RGS6: variants seen among roughly 807,000 people sequenced by gnomAD.
RGS6 encodes the protein regulator of G-protein signaling 6.
In RGS6, 30 loss-of-function variants were observed where a neutral mutation model predicts 78.5. The observed-to-expected ratio is 0.38, with a 90% CI of 0.29 to 0.52. The LOEUF is 0.52. Among genes scored for constraint, RGS6 ranks in the 20% least tolerant of loss-of-function variants. RGS6 has a pLI of 0.85. For synonymous variants in RGS6, 206 were observed against 206.0 expected (o/e 1.00, Z 0.00); for missense variants, 495 against 609.7 (o/e 0.81, Z 1.98).
At chr14:72,056,680 C>A (rs961249439) in intron 2 of RGS6, among the ~76,000 whole-genome samples, 3 of 152,128 alleles carry the variant, frequency 2.0e-5, no homozygotes, top group Non-Finnish European at 4.4e-5. Context: ...TGTTTCCCTC[C>A]CCTGCCACCC....
the RGS6 span, among the ~76,000 whole-genome samples, chr14:71,881,823 A>C: frequency 8.5e-5 from 13 of 152,178 alleles, no homozygotes; most frequent in South Asian, 4.1e-4. Context: ...GTATCTGACA[A>C]TTGGACAGTA....
intron 2 of RGS6, among the ~76,000 whole-genome samples, chr14:72,221,883 A>G (rs1441437279): frequency 1.3e-5 from 2 of 152,204 alleles, no homozygotes; most frequent in Non-Finnish European, 2.9e-5. Flanking sequence ...CATTAACCCC[A>G]CTTGTTTGCA....
chr14:72,490,535 A>T (rs547667669), intron 12 of RGS6, among the ~76,000 whole-genome samples: 1 of 152,232 alleles, frequency 6.6e-6, no homozygotes, highest in African/African-American at 2.4e-5. Flanking sequence ...TGTCTATTTT[A>T]TATTTGTAGA....
At chr14:72,540,489 C>CT in intron 17 of RGS6, 6 of 1,525,122 alleles carry the variant, frequency 3.9e-6, no homozygotes, top group East Asian at 2.4e-5. Flanking sequence ...CATAGCTCAT[C>CT]GAAAAAAAAA....
chr14:72,165,124 A>C (rs2096907064), intron 2 of RGS6, among the ~76,000 whole-genome samples: 1 of 152,224 alleles, frequency 6.6e-6, no homozygotes, highest in Non-Finnish European at 1.5e-5. Context: ...CTAGGAATAG[A>C]GAAGCAAAGA....
chr14:72,297,604 G>A (rs2065132667), intron 2 of RGS6, among the ~76,000 whole-genome samples: 1 of 118,502 alleles, frequency 8.4e-6, no homozygotes, highest in African/African-American at 3.3e-5. Flanking sequence ...TCCCCAGAGT[G>A]TGGTATTCCC....
chr14:72,275,201 T>C (rs566795260), intron 2 of RGS6, among the ~76,000 whole-genome samples: 2 of 152,340 alleles, frequency 1.3e-5, no homozygotes, highest in South Asian at 4.1e-4. Context: ...TCTGATTTTC[T>C]AAAAAATATC....
chr14:72,358,950 T>C (rs777546953), intron 3 of RGS6, among the ~76,000 whole-genome samples: 18 of 152,204 alleles, frequency 1.2e-4, no homozygotes, highest in Non-Finnish European at 2.5e-4. Flanking sequence ...TGGGAGGTAA[T>C]TGAATCATGG....
At chr14:72,395,754 T>C (rs1284397096) in intron 3 of RGS6, among the ~76,000 whole-genome samples, 2 of 150,810 alleles carry the variant, frequency 1.3e-5, no homozygotes, top group African/African-American at 4.9e-5. Context: ...CATTGTTCAA[T>C]TCCCACCTAT....
chr14:72,021,221 C>T (rs1473819604), intron 2 of RGS6, among the ~76,000 whole-genome samples: 3 of 152,122 alleles, frequency 2.0e-5, no homozygotes, highest in Non-Finnish European at 4.4e-5. Context: ...TCTTCTTTCC[C>T]ACAGCCGTTG....
intron 2 of RGS6, among the ~76,000 whole-genome samples, chr14:72,116,180 T>A (rs1186551859): frequency 6.6e-6 from 1 of 152,142 alleles, no homozygotes; most frequent in Non-Finnish European, 1.5e-5. Flanking sequence ...TATACAAATA[T>A]TGACATAGGA....
At chr14:72,422,309 T>G (rs1006655160) in intron 3 of RGS6, among the ~76,000 whole-genome samples, 1 of 152,216 alleles carries the variant, frequency 6.6e-6, no homozygotes, top group Admixed American at 6.5e-5. Flanking sequence ...TCTTATATAC[T>G]TAGAACGGCA....
chr14:72,384,832 T>A (rs974358446), intron 3 of RGS6, among the ~76,000 whole-genome samples: 1 of 152,110 alleles, frequency 6.6e-6, no homozygotes, highest in African/African-American at 2.4e-5. Context: ...CTCACTGCAA[T>A]CTCCGCCTCC....
intron 2 of RGS6, among the ~76,000 whole-genome samples, chr14:72,283,692 A>T (rs1386942318): frequency 6.6e-6 from 1 of 152,218 alleles, no homozygotes; most frequent in Non-Finnish European, 1.5e-5. Flanking sequence ...CTTTATCAGC[A>T]GCATGAGAAT....
chr14:72,208,993 T>C (rs1459945905), intron 2 of RGS6, among the ~76,000 whole-genome samples: 2 of 152,192 alleles, frequency 1.3e-5, no homozygotes, highest in Non-Finnish European at 2.9e-5. Flanking sequence ...GGCACACACC[T>C]GTAATCCCAG....
chr14:71,961,982 T>A (rs1566915876), intron 1 of RGS6, among the ~76,000 whole-genome samples: 1 of 152,234 alleles, frequency 6.6e-6, no homozygotes, highest in African/African-American at 2.4e-5. Context: ...TGAATTTAAT[T>A]AGAAAATCTT....
chr14:72,418,408 C>T (rs150623758), intron 3 of RGS6, among the ~76,000 whole-genome samples: 4,129 of 152,264 alleles, frequency 0.027, 94 homozygotes, highest in South Asian at 0.072. Context: ...CTCAAGCAAT[C>T]CACTTACCTT....
chr14:72,192,395 C>G (rs1317844113), intron 2 of RGS6, among the ~76,000 whole-genome samples: 1 of 152,220 alleles, frequency 6.6e-6, no homozygotes, highest in South Asian at 2.1e-4. Flanking sequence ...GAAAGTGACT[C>G]TCAGAGATGC....
At chr14:72,447,448 G>C (rs941604286) in intron 3 of RGS6, among the ~76,000 whole-genome samples, 5 of 152,092 alleles carry the variant, frequency 3.3e-5, no homozygotes, top group South Asian at 2.1e-4. Context: ...CAGTCTAAAA[G>C]CACCAGAAGA....
Sources: allele counts gnomAD v4.1 joint callset (sites outside exome capture counted in the v4.1 genomes callset), GRCh38; gene constraint gnomAD v4.1.1; transcripts MANE v1.5; gene names NCBI Gene and HGNC (gene_info 2026-07-23, HGNC 2026-07-21).